The following ZSWIM5 variants were observed in gnomAD, a reference collection of about 807,000 sequenced individuals.
ZSWIM5 encodes the protein zinc finger SWIM domain-containing protein 5.
In ZSWIM5, 55 loss-of-function variants were observed where a neutral mutation model predicts 119.6. The observed-to-expected ratio is 0.46, with a 90% CI of 0.37 to 0.58. The LOEUF (loss-of-function observed/expected upper bound fraction) is 0.58, where lower values mean the gene tolerates loss of function less well. Among genes scored for constraint, ZSWIM5 ranks in the 20% least tolerant of loss-of-function variants. ZSWIM5 has a pLI of 0.00. For missense variants in ZSWIM5, 1,193 were observed against 1,512.8 expected, an observed-to-expected ratio of 0.79 and a Z score of 3.51; for synonymous variants, 537 against 606.9, an observed-to-expected ratio of 0.88 and a Z score of 1.69.
intron 2 of ZSWIM5, among the ~76,000 whole-genome samples, chr1:45,060,828 C>T (rs781473595): frequency 8.5e-5 from 13 of 152,106 alleles, no homozygotes; most frequent in Non-Finnish European, 1.3e-4. Flanking sequence ...GAGAGGGCCA[C>T]CATGCCCAAC....
Position 45,205,893 on chromosome 1 carries a change from G to C in ZSWIM5, c.458C>G (p.Pro153Arg). 1 of 1,074,596 alleles carries C rather than the reference G, an allele frequency of 9.3e-7. No homozygotes were observed. The highest frequency in any genetic ancestry group is 1.1e-6 in the Non-Finnish European group (1 of 891,964). 66.6% of individuals were successfully genotyped at this position (1,074,596 alleles called of 1,614,324 possible). Reference protein sequence around the residue: ...PGAAAPAGSAPGGVAAGASPG... With the variant: ...PGAAAPAGSARGGVAAGASPG... ...GGATGCCCCAGCCGCGACGCCCCCG[G>C]GGGCGGAGCCGGCCGGAGCGGCGGC... Residue 153 changes from proline to arginine, a missense_variant, in exon 1 of 14, where the codon CCC becomes CGC. Pro to Arg is a moderately radical substitution (Grantham distance 103, BLOSUM62 -2). This residue lies in a region of ZSWIM5 where 232 missense variants were observed against 222.9 expected (regional missense o/e 1.04). Coordinates refer to ENST00000359600, the MANE Select transcript of ZSWIM5 (RefSeq NM_020883.2).
chr1:45,151,101 A>G (rs1243966265), intron 1 of ZSWIM5, among the ~76,000 whole-genome samples: 1 of 152,140 alleles, frequency 6.6e-6, no homozygotes, highest in Non-Finnish European at 1.5e-5. Flanking sequence ...TCTAATCCAC[A>G]TATGTCTCTA....
chr1:45,047,538 G>A (rs1645063384), intron 5 of ZSWIM5, among the ~76,000 whole-genome samples: 2 of 152,122 alleles, frequency 1.3e-5, no homozygotes, highest in Non-Finnish European at 2.9e-5. Context: ...CAATATGCTT[G>A]TACACTCAAG....
Position 45,206,380 on chromosome 1 carries a change from G to A in ZSWIM5, c.-30C>T. ...GGGGACTGACTGACTGACTGAGGCGGCGGCGGCTGCTCGGGCTGCGGCGGA... is the reference window on the plus strand; with the variant it reads ...GGGGACTGACTGACTGACTGAGGCGACGGCGGCTGCTCGGGCTGCGGCGGA... On this transcript the variant is annotated 5_prime_UTR_variant, in exon 1 of 14. Transcript: ENST00000359600. The A allele has an allele frequency of 7.4e-7, 1 of 1,357,870 alleles. No individual in the cohort carries two copies. The highest frequency in any genetic ancestry group is 9.5e-7 in the Non-Finnish European group (1 of 1,057,820). 84.1% of individuals were successfully genotyped at this position (1,357,870 alleles called of 1,614,324 possible).
At chr1:45,138,585 C>A (rs1204051947) in intron 1 of ZSWIM5, among the ~76,000 whole-genome samples, 2 of 151,086 alleles carry the variant, frequency 1.3e-5, no homozygotes, top group Non-Finnish European at 2.9e-5. Context: ...TATGGAGGGT[C>A]AACTTTTCAA....
intron 1 of ZSWIM5, among the ~76,000 whole-genome samples, chr1:45,186,295 A>G (rs1384587746): frequency 6.6e-6 from 1 of 150,738 alleles, no homozygotes; most frequent in African/African-American, 2.4e-5. Flanking sequence ...AGATATACCT[A>G]ATGCTAAATG....
In ZSWIM5 at chr1:45,156,703, C is replaced by A. The variant is rs1159000030; in HGVS notation, c.595+49053G>T. 3.5e-5 allele frequency among the ~76,000 whole-genome samples: 5 copies of A among 143,726 alleles called. No individual in the cohort carries two copies. In the East Asian group the frequency reaches 8.1e-4, roughly 23 times the overall value. The allele number at this position is 143,726 out of a possible 152,430, so 94.3% of individuals were successfully genotyped here. A position where few individuals can be genotyped will look rare whatever the true frequency, so the allele number is the denominator to read the frequency against. The stretch of plus-strand genomic sequence containing the variant: ...TAGAGTAGGAACGTACTGCATATGT[C>A]GGGGTAGTGTGGGAAGTTAAAAAAA... On this transcript the variant is annotated intron_variant, in intron 1 of 13. Transcript: ENST00000359600.
At chr1:45,132,051 A>T (rs1287831837) in intron 1 of ZSWIM5, among the ~76,000 whole-genome samples, 2 of 149,682 alleles carry the variant, frequency 1.3e-5, no homozygotes, top group Non-Finnish European at 3.0e-5. Context: ...AAAATTTTAG[A>T]ATTTTATAAT....
At position 45,206,412 on chromosome 1, in the gene ZSWIM5, G is replaced by T. The variant is rs1014561982; in HGVS notation, c.-62C>A. ...CTGCTCGGGCTGCGGCGGAGACCCT[G>T]GCCACGGCCACGCGCCCCGCGCAAG... On this transcript the variant is annotated 5_prime_UTR_variant, in exon 1 of 14. Coordinates refer to ENST00000359600, the MANE Select transcript of ZSWIM5 (RefSeq NM_020883.2). The T allele has an allele frequency of 1.5e-6, 2 of 1,295,538 alleles. No individual in the cohort carries two copies. Among genetic ancestry groups the T allele is most frequent in the African/African-American group, 1.5e-5 (1 of 64,556 alleles). 80.3% of individuals were successfully genotyped at this position (1,295,538 alleles called of 1,614,324 possible).
At chr1:45,109,768 C>CCTCACATA (rs1645504465) in intron 1 of ZSWIM5, among the ~76,000 whole-genome samples, 1 of 151,166 alleles carries the variant, frequency 6.6e-6, no homozygotes, top group Non-Finnish European at 1.5e-5. Context: ...GAATGTTATT[C>CCTCACATA]CTCACATATA....
chr1:45,080,434 G>T lies in ZSWIM5; in HGVS notation c.952+7447C>A, dbSNP rs368273207. 1.4e-4 allele frequency among the ~76,000 whole-genome samples: 22 copies of T among 152,286 alleles called. No individual in the cohort carries two copies. In the South Asian group the frequency reaches 4.6e-3, roughly 32 times the overall value. On this transcript the variant is annotated intron_variant, in intron 2 of 13. Coordinates refer to ENST00000359600, the MANE Select transcript of ZSWIM5 (RefSeq NM_020883.2). ...GGGCAGCACTGAGTTTAATGCCTCAGAAATGCTGCAATTTCTGTTTTCCCA... is the reference window on the plus strand; with the variant it reads ...GGGCAGCACTGAGTTTAATGCCTCATAAATGCTGCAATTTCTGTTTTCCCA...
intron 11 of ZSWIM5, among the ~76,000 whole-genome samples, chr1:45,025,234 A>G (rs897696346): frequency 6.6e-6 from 1 of 152,198 alleles, no homozygotes; most frequent in African/African-American, 2.4e-5. Flanking sequence ...TTAATATTAT[A>G]GTAAGTGTTT....
rs994066727 is a variant in ZSWIM5 at position 45,196,315 on chromosome 1, G to GT, written c.595+9440dup. ...TAATTTGGGGTGAGTGCCAGGTACT[G>GT]TTTTTTTGGTTTTTTTTTAATCTCC... On this transcript the variant is annotated intron_variant, in intron 1 of 13. Transcript: ENST00000359600. 5.3e-5 allele frequency among the ~76,000 whole-genome samples: 7 copies of GT among 132,588 alleles called. No homozygotes were observed. In the South Asian group the frequency reaches 7.6e-4, roughly 14 times the overall value. 87.0% of individuals were successfully genotyped at this position (132,588 alleles called of 152,430 possible).
At chr1:45,143,013 A>C (rs1234897551) in intron 1 of ZSWIM5, among the ~76,000 whole-genome samples, 2 of 151,096 alleles carry the variant, frequency 1.3e-5, no homozygotes, top group Non-Finnish European at 3.0e-5. Context: ...TCTACCAAAA[A>C]AAAAAAAAAA....
chr1:45,086,557 C>G (rs1376026082), intron 2 of ZSWIM5, among the ~76,000 whole-genome samples: 1 of 152,086 alleles, frequency 6.6e-6, no homozygotes, highest in Non-Finnish European at 1.5e-5. Context: ...ACTGCATGTT[C>G]TCACTCATAG....
chr1:45,127,190 G>A (rs901184336), intron 1 of ZSWIM5, among the ~76,000 whole-genome samples: 1 of 152,018 alleles, frequency 6.6e-6, no homozygotes, highest in African/African-American at 2.4e-5. Flanking sequence ...TCAGTCCAGG[G>A]CTGCAAAGCT....
At chr1:45,125,619 C>T (rs1442561629) in intron 1 of ZSWIM5, among the ~76,000 whole-genome samples, 5 of 151,816 alleles carry the variant, frequency 3.3e-5, no homozygotes, top group African/African-American at 1.2e-4. Flanking sequence ...ACTAAAAATA[C>T]AAAAATTAGC....
intron 11 of ZSWIM5, among the ~76,000 whole-genome samples, chr1:45,025,577 T>C (rs1353080425): frequency 6.6e-6 from 1 of 152,246 alleles, no homozygotes; most frequent in Non-Finnish European, 1.5e-5. Context: ...GGGGTGCTAA[T>C]GTAAATGGTA....
chr1:45,203,121 C>T (rs1422069612), intron 1 of ZSWIM5, among the ~76,000 whole-genome samples: 1 of 152,010 alleles, frequency 6.6e-6, no homozygotes, highest in Non-Finnish European at 1.5e-5. Context: ...AAAAGGAATA[C>T]TACTTCTGAT....
Sources: gnomAD v4.1 joint callset for allele counts (sites outside exome capture counted in the v4.1 genomes callset) on GRCh38, gnomAD v4.1.1 for gene constraint, gnomAD v4.1.1 regional missense constraint, MANE v1.5 for transcripts, NCBI Gene and HGNC (gene_info 2026-07-23, HGNC 2026-07-21) for gene names.